The following CDYL variants were observed in gnomAD, a reference collection of about 807,000 sequenced individuals.
CDYL encodes chromodomain Y-like protein.
In CDYL, 8 loss-of-function variants were observed where a neutral mutation model predicts 47.3. The ratio of observed to expected loss-of-function variants is 0.17; its 90% CI spans 0.10 to 0.31. The LOEUF (loss-of-function observed/expected upper bound fraction) is 0.31, where lower values mean the gene tolerates loss of function less well. CDYL is among the 10% of genes least tolerant of loss of function. CDYL has a pLI of 1.00. For synonymous variants in CDYL, 266 were observed against 265.0 expected (o/e 1.00, Z -0.04); for missense variants, 471 against 701.4 (o/e 0.67, Z 3.71).
rs537428166 is a variant in CDYL at position 4,810,042 on chromosome 6, G to A, written c.24+33235G>A. On this transcript the variant is annotated intron_variant, in intron 1 of 6. Coordinates refer to ENST00000397588, the MANE Select transcript of CDYL (RefSeq NM_004824.4). ...CCTTGGTGATATTTTGTATGGTAGG[G>A]GTATTATATTAGTCCTTGGTGATGT... Among the ~76,000 whole-genome samples the A allele has an allele frequency of 2.7e-4, 41 of 152,020 alleles. 1 individual carries two copies. The South Asian group carries it at 8.5e-3, about 32-fold the overall frequency.
intron 5 of CDYL, among the ~76,000 whole-genome samples, chr6:4,948,037 T>C (rs180710772): frequency 9.0e-4 from 137 of 152,300 alleles, no homozygotes; most frequent in Non-Finnish European, 1.8e-3. Context: ...ACTCCCATGG[T>C]AGAGTCATTA....
intron 2 of CDYL, among the ~76,000 whole-genome samples, chr6:4,920,090 A>G (rs1362246875): frequency 1.3e-5 from 2 of 152,234 alleles, no homozygotes; most frequent in African/African-American, 2.4e-5. Flanking sequence ...TCGGTGACAT[A>G]AGGCCATCTA....
chr6:4,787,273 C>CT (rs1209578827), intron 1 of CDYL, among the ~76,000 whole-genome samples: 5 of 152,234 alleles, frequency 3.3e-5, no homozygotes, highest in Admixed American at 3.3e-4. Flanking sequence ...GCTAACTAGA[C>CT]TGATTCGTTG....
At chr6:4,778,795 A>C (rs1758536735) in intron 1 of CDYL, among the ~76,000 whole-genome samples, 1 of 152,228 alleles carries the variant, frequency 6.6e-6, no homozygotes, top group Non-Finnish European at 1.5e-5. Context: ...ACTTGTAGGC[A>C]ACACTGTGAC....
At chr6:4,798,140 T>C (rs1759128395) in intron 1 of CDYL, among the ~76,000 whole-genome samples, 1 of 152,218 alleles carries the variant, frequency 6.6e-6, no homozygotes, top group South Asian at 2.1e-4. Flanking sequence ...ACCTGGCTAA[T>C]TTTTGTAATT....
At chr6:4,758,183 T>C (rs1295069951) in intron 3 of CDYL, among the ~76,000 whole-genome samples, 1 of 144,232 alleles carries the variant, frequency 6.9e-6, no homozygotes, top group Non-Finnish European at 1.5e-5. Flanking sequence ...CTACTAAAAA[T>C]ACAAAAATAG....
At chr6:4,897,071 A>G (rs1762305531) in intron 2 of CDYL, among the ~76,000 whole-genome samples, 2 of 152,252 alleles carry the variant, frequency 1.3e-5, no homozygotes, top group African/African-American at 4.8e-5. Flanking sequence ...CTTTCTCTCT[A>G]TCAATGTTTA....
At chr6:4,764,895 A>G (rs1758229017) in intron 3 of CDYL, among the ~76,000 whole-genome samples, 1 of 152,212 alleles carries the variant, frequency 6.6e-6, no homozygotes, top group Admixed American at 6.5e-5. Flanking sequence ...ACTGCATAAC[A>G]ACTAAAAAAT....
intron 1 of CDYL, among the ~76,000 whole-genome samples, chr6:4,885,373 G>A (rs1761874024): frequency 6.6e-6 from 1 of 152,180 alleles, no homozygotes; most frequent in Admixed American, 6.5e-5. Context: ...TGCCCAGGAC[G>A]TGAATTGTTC....
At chr6:4,824,373 CGCTCG>C (rs150289534) in intron 1 of CDYL, among the ~76,000 whole-genome samples, 4,032 of 152,262 alleles carry the variant, frequency 0.026, 178 homozygotes, top group African/African-American at 0.091. Context: ...CCACTAGCAG[CGCTCG>C]GCTCGGCAGC....
intron 1 of CDYL, among the ~76,000 whole-genome samples, chr6:4,854,672 C>T (rs900135666): frequency 6.6e-6 from 1 of 152,154 alleles, no homozygotes. Context: ...AAGCATGTGC[C>T]GTTGAGGGCA....
intron 1 of CDYL, chr6:4,714,170 T>C (rs1330491092): frequency 6.6e-6 from 1 of 151,450 alleles, no homozygotes; most frequent in Non-Finnish European, 1.5e-5. Context: ...GTGTGTTGGA[T>C]AGACTGACTC....
At chr6:4,876,974 G>A (rs1392631670) in intron 1 of CDYL, among the ~76,000 whole-genome samples, 1 of 152,174 alleles carries the variant, frequency 6.6e-6, no homozygotes, top group Non-Finnish European at 1.5e-5. Context: ...TTAATAAAGA[G>A]GCCCAAGAGA....
intron 1 of CDYL, among the ~76,000 whole-genome samples, chr6:4,710,704 T>TTTG (rs1757136129): frequency 6.6e-6 from 1 of 152,086 alleles, no homozygotes; most frequent in Admixed American, 6.6e-5. Context: ...GTCTTTATTC[T>TTTG]CTGCTCCTTG....
chr6:4,783,707 C>A (rs1018139833), intron 1 of CDYL, among the ~76,000 whole-genome samples: 1 of 152,148 alleles, frequency 6.6e-6, no homozygotes, highest in African/African-American at 2.4e-5. Flanking sequence ...GTGAGCCACA[C>A]TGCACCTGGC....
At chr6:4,824,277 A>G (rs552746104) in intron 1 of CDYL, among the ~76,000 whole-genome samples, 1 of 152,300 alleles carries the variant, frequency 6.6e-6, no homozygotes, top group East Asian at 1.9e-4. Flanking sequence ...ATGGTGGATC[A>G]TTGTTGGGTC....
intron 1 of CDYL, among the ~76,000 whole-genome samples, chr6:4,813,143 T>C (rs868631820): frequency 4.6e-5 from 7 of 152,326 alleles, no homozygotes; most frequent in Middle Eastern, 3.4e-3. Context: ...GAATTAATTA[T>C]AGTTCGTACT....
At chr6:4,766,987 G>A (rs1758264259) in intron 3 of CDYL, among the ~76,000 whole-genome samples, 1 of 151,970 alleles carries the variant, frequency 6.6e-6, no homozygotes, top group Non-Finnish European at 1.5e-5. Context: ...GGGTGACAAA[G>A]TGAGACCCTG....
chr6:4,901,312 C>G (rs1318268039), intron 2 of CDYL, among the ~76,000 whole-genome samples: 1 of 151,978 alleles, frequency 6.6e-6, no homozygotes, highest in Admixed American at 6.6e-5. Flanking sequence ...GGAATTAAGC[C>G]CTGTTACAAA....
Sources: gnomAD v4.1 joint callset for allele counts (sites outside exome capture counted in the v4.1 genomes callset) on GRCh38, gnomAD v4.1.1 for gene constraint, MANE v1.5 for transcripts, NCBI Gene and HGNC (gene_info 2026-07-23, HGNC 2026-07-21) for gene names.